MYO1E: variants seen among roughly 807,000 people sequenced by gnomAD.
The protein encoded by MYO1E is unconventional myosin-Ie.
Under a neutral mutation model 151.1 loss-of-function variants are expected in MYO1E, and 68 were observed. The ratio of observed to expected loss-of-function variants is 0.45; its 90% CI spans 0.37 to 0.55. The LOEUF (loss-of-function observed/expected upper bound fraction) is 0.55. Ranked by LOEUF, MYO1E falls within the 20% of genes least tolerant of loss-of-function variation. MYO1E has a pLI of 0.00. For missense variants in MYO1E, 1,363 were observed against 1,389.3 expected (o/e 0.98, Z 0.30); for synonymous variants, 601 against 501.7 (o/e 1.20, Z -2.64).
intron 1 of MYO1E, among the ~76,000 whole-genome samples, chr15:59,323,265 C>G (rs1299538843): frequency 6.7e-6 from 1 of 150,220 alleles, no homozygotes; most frequent in Non-Finnish European, 1.5e-5. Context: ...GTTCCTAAAA[C>G]CAAACTAAAC....
At chr15:59,203,268 C>T (rs991435607) in intron 15 of MYO1E, among the ~76,000 whole-genome samples, 1 of 151,364 alleles carries the variant, frequency 6.6e-6, no homozygotes, top group African/African-American at 2.4e-5. Flanking sequence ...CACCAGATGC[C>T]AGTAGCACAC....
rs1220903818 is a variant in MYO1E, at chr15:59,206,823, G to A, written c.1531-1338C>T. Reference sequence around the variant, plus strand: ...CAGCCGCAGTAGAGGGCCAGGGGGCGGGGCACGCGCACCTGCCGTAGAGTG... The same window carrying A: ...CAGCCGCAGTAGAGGGCCAGGGGGCAGGGCACGCGCACCTGCCGTAGAGTG... On this transcript the variant is annotated intron_variant, in intron 14 of 27. Coordinates refer to ENST00000288235, the MANE Select transcript of MYO1E (RefSeq NM_004998.4). 8.3e-5 allele frequency: 84 copies of A among 1,013,210 alleles called. No individual in the cohort carries two copies. The Middle Eastern group carries it at 2.2e-3, about 26-fold the overall frequency. The allele number at this position is 1,013,210 out of a possible 1,614,324, so 62.8% of individuals were successfully genotyped here. A position where few individuals can be genotyped will look rare whatever the true frequency, so the allele number is the denominator to read the frequency against.
intron 18 of MYO1E, among the ~76,000 whole-genome samples, chr15:59,184,614 A>C (rs543313493): frequency 2.5e-4 from 38 of 149,372 alleles, no homozygotes; most frequent in African/African-American, 8.4e-4. Context: ...GCCTACCTTG[A>C]CCTCCCAAAG....
intron 12 of MYO1E, among the ~76,000 whole-genome samples, chr15:59,211,199 CAAA>C (rs34629822): frequency 1.0e-4 from 12 of 116,188 alleles, no homozygotes; most frequent in African/African-American, 2.4e-4. Flanking sequence ...AACTCCAACT[CAAA>C]AAAAAAAAAA....
chr15:59,176,257 T>A (rs2079624199), intron 19 of MYO1E, among the ~76,000 whole-genome samples: 1 of 152,092 alleles, frequency 6.6e-6, no homozygotes, highest in Non-Finnish European at 1.5e-5. Flanking sequence ...AGATGGGGTT[T>A]CGCCGTGTTA....
chr15:59,163,362 T>C, intron 22 of MYO1E, 59 bp from the exon 23 acceptor site: 2 of 1,447,824 alleles, frequency 1.4e-6, no homozygotes, highest in South Asian at 1.2e-5. Flanking sequence ...TACTCTATTG[T>C]TTTTTTTTTC....
At chr15:59,160,345 G>C (rs1232398683) in intron 24 of MYO1E, among the ~76,000 whole-genome samples, 2 of 134,128 alleles carry the variant, frequency 1.5e-5, no homozygotes, top group African/African-American at 7.6e-5. Context: ...GCGTGTGTGT[G>C]TGTGTGTGTG....
chr15:59,277,341 T>C (rs2080325059), intron 1 of MYO1E, among the ~76,000 whole-genome samples: 1 of 151,892 alleles, frequency 6.6e-6, no homozygotes, highest in African/African-American at 2.4e-5. Context: ...GCTCAAGAGA[T>C]CAAGACCATC....
At chr15:59,313,273 T>A (rs2080563820) in intron 1 of MYO1E, among the ~76,000 whole-genome samples, 1 of 152,084 alleles carries the variant, frequency 6.6e-6, no homozygotes, top group Admixed American at 6.5e-5. Context: ...GACATATGTA[T>A]CCCCCAACAC....
chr15:59,236,367 TATACACAC>T (rs1380507562), intron 5 of MYO1E, among the ~76,000 whole-genome samples: 15 of 23,608 alleles, frequency 6.4e-4, no homozygotes, highest in African/African-American at 1.2e-3. Flanking sequence ...AAAAAAAATA[TATACACAC>T]ACACACACAC....
intron 1 of MYO1E, among the ~76,000 whole-genome samples, chr15:59,327,750 C>T (rs2080674063): frequency 6.6e-6 from 1 of 152,078 alleles, no homozygotes; most frequent in East Asian, 1.9e-4. Context: ...ATTAGGAGGG[C>T]AGCTATAGAG....
chr15:59,288,299 C>A (rs1183506236), intron 1 of MYO1E, among the ~76,000 whole-genome samples: 7 of 152,166 alleles, frequency 4.6e-5, no homozygotes, highest in Non-Finnish European at 7.3e-5. Context: ...CCTCGGCCTA[C>A]CGAGTAGCTG....
chr15:59,197,757 T>C (rs1400512511), intron 16 of MYO1E, among the ~76,000 whole-genome samples: 1 of 152,242 alleles, frequency 6.6e-6, no homozygotes, highest in African/African-American at 2.4e-5. Context: ...TGAGGTAGGA[T>C]TAGACAGAAG....
rs897526772 is a variant in MYO1E at position 59,223,292 on chromosome 15, G to C, written c.778-101C>G. Reference sequence around the variant, plus strand: ...CAGCAGCTGCTCTAAATAAGGATGTGACAAGTACAGACGAGTTACAAAGAA... The same window carrying C: ...CAGCAGCTGCTCTAAATAAGGATGTCACAAGTACAGACGAGTTACAAAGAA... On this transcript the variant is annotated intron_variant, in intron 8 of 27. Transcript: ENST00000288235. 1.6e-5 allele frequency: 22 copies of C among 1,339,220 alleles called. No homozygotes were observed. In the African/African-American group the frequency reaches 3.2e-4, roughly 19 times the overall value. 83.0% of individuals were successfully genotyped at this position (1,339,220 alleles called of 1,614,324 possible). A position where few individuals can be genotyped will look rare whatever the true frequency, so the allele number is the denominator to read the frequency against.
chr15:59,249,448 G>A (rs1406202344), intron 4 of MYO1E, among the ~76,000 whole-genome samples: 1 of 148,496 alleles, frequency 6.7e-6, no homozygotes, highest in African/African-American at 2.5e-5. Context: ...AATCCGATTT[G>A]TTACACTCAT....
intron 16 of MYO1E, 77 bp downstream of exon 16, chr15:59,202,249 C>T (rs1596362703): frequency 7.7e-7 from 1 of 1,291,568 alleles, no homozygotes; most frequent in East Asian, 2.3e-5. Context: ...CTCATCCTGG[C>T]CCAGGGGTGC....
intron 1 of MYO1E, among the ~76,000 whole-genome samples, chr15:59,281,944 C>T (rs1296939405): frequency 7.0e-6 from 1 of 142,232 alleles, no homozygotes; most frequent in Non-Finnish European, 1.5e-5. Context: ...AGCCTGGTGA[C>T]AAAGCAAGAC....
At chr15:59,211,673 T>C (rs1405658348) in intron 12 of MYO1E, among the ~76,000 whole-genome samples, 2 of 152,290 alleles carry the variant, frequency 1.3e-5, no homozygotes, top group Non-Finnish European at 2.9e-5. Flanking sequence ...ACCCCTCTTC[T>C]AATCTTACCC....
At chr15:59,166,238 AG>A (rs754029015) in intron 22 of MYO1E, among the ~76,000 whole-genome samples, 5 of 152,198 alleles carry the variant, frequency 3.3e-5, no homozygotes, top group Middle Eastern at 6.3e-3. Flanking sequence ...TGCTCTCCTT[AG>A]CCCACGCTCC....
Sources: allele counts gnomAD v4.1 joint callset (sites outside exome capture counted in the v4.1 genomes callset), GRCh38; gene constraint gnomAD v4.1.1; transcripts MANE v1.5; gene names NCBI Gene and HGNC (gene_info 2026-07-23, HGNC 2026-07-21).